The following NPAS3 variants were observed in gnomAD, a reference collection of about 807,000 sequenced individuals.
The protein encoded by NPAS3 is neuronal PAS domain protein 3, also known as neuronal PAS domain-containing protein 3.
In NPAS3, 14 loss-of-function variants were observed where a neutral mutation model predicts 73.1. That is an observed-to-expected ratio of 0.19 (90% CI 0.13 to 0.30). The LOEUF (loss-of-function observed/expected upper bound fraction) is 0.30. NPAS3 is among the 10% of genes least tolerant of loss of function. The probability of loss-of-function intolerance (pLI) is 1.00; values close to 1 mark genes in which losing one functional copy is unlikely to be tolerated. For synonymous variants in NPAS3, 620 were observed against 541.5 expected (o/e 1.14, Z -2.01); for missense variants, 1,096 against 1,250.0 (o/e 0.88, Z 1.86).
Position 33,746,680 on chromosome 14 carries a change from C to T in NPAS3, c.852+11348C>T, listed in dbSNP as rs1041012102. Among the ~76,000 whole-genome samples the T allele has an allele frequency of 1.8e-4, 27 of 151,674 alleles. 1 individual carries two copies. Among genetic ancestry groups the T allele is most frequent in the African/African-American group, 2.4e-5 (1 of 41,244 alleles). ...ACTCTCATTCTGCAAGAGAAATTAC[C>T]GAGAATTAGAAAGGTTAAGTAACTG... is the stretch of plus-strand genomic sequence containing the variant. On this transcript the variant is annotated intron_variant, in intron 7 of 11. Coordinates refer to ENST00000356141, the Ensembl canonical transcript of NPAS3.
At chr14:33,366,008 C>CA (rs1244922209) in intron 3 of NPAS3, among the ~76,000 whole-genome samples, 3 of 151,564 alleles carry the variant, frequency 2.0e-5, no homozygotes, top group Non-Finnish European at 4.4e-5. Context: ...ATAAAATTTT[C>CA]AAAAAAAGCA....
chr14:33,041,909 G>A (rs1353991920), intron 1 of NPAS3, among the ~76,000 whole-genome samples: 1 of 152,102 alleles, frequency 6.6e-6, no homozygotes, highest in African/African-American at 2.4e-5. Flanking sequence ...TCCAGATGTG[G>A]TGATCTGGTG....
At chr14:33,778,384 A>C (rs2138509197) in intron 8 of NPAS3, 82 bp from the exon 9 acceptor site, 1 of 982,940 alleles carries the variant, frequency 1.0e-6, no homozygotes, top group East Asian at 2.4e-5. Flanking sequence ...GAAATGTGTC[A>C]GTAGAACTGT....
At chr14:32,958,575 C>T (rs191946948) in intron 1 of NPAS3, among the ~76,000 whole-genome samples, 28 of 152,322 alleles carry the variant, frequency 1.8e-4, no homozygotes, top group African/African-American at 5.8e-4. Flanking sequence ...CATTCATTCT[C>T]ATGGCTTCAT....
intron 4 of NPAS3, among the ~76,000 whole-genome samples, chr14:33,558,145 CAA>C (rs1272467718): frequency 6.6e-6 from 1 of 152,028 alleles, no homozygotes; most frequent in African/African-American, 2.4e-5. Flanking sequence ...TTTAGTGGAA[CAA>C]TATAATGTGA....
At chr14:33,729,307 A>T (rs1300079689) in intron 6 of NPAS3, among the ~76,000 whole-genome samples, 1 of 152,214 alleles carries the variant, frequency 6.6e-6, no homozygotes, top group Non-Finnish European at 1.5e-5. Context: ...TTATCCATGA[A>T]CATGATCGTC....
chr14:33,168,361 G>T (rs1326814795), intron 2 of NPAS3, among the ~76,000 whole-genome samples: 1 of 152,094 alleles, frequency 6.6e-6, no homozygotes, highest in Non-Finnish European at 1.5e-5. Flanking sequence ...GAGCAGAGAA[G>T]GTCACAAGGA....
At chr14:33,306,421 G>A (rs954852043) in intron 3 of NPAS3, among the ~76,000 whole-genome samples, 1 of 152,170 alleles carries the variant, frequency 6.6e-6, no homozygotes, top group African/African-American at 2.4e-5. Flanking sequence ...TACCCTAATG[G>A]CTTGTAATTA....
At position 33,630,937 on chromosome 14, in the gene NPAS3, A is replaced by G. The variant is rs533893023; in HGVS notation, c.559-45274A>G. On this transcript the variant is annotated intron_variant, in intron 5 of 11. Coordinates refer to ENST00000356141, the Ensembl canonical transcript of NPAS3. Reference sequence around the variant, plus strand: ...AATATTTGTAGAAAGAAGATAAGCGAAGCCAGCTATTCCTGGTGGTCTGAG... The same window carrying G: ...AATATTTGTAGAAAGAAGATAAGCGGAGCCAGCTATTCCTGGTGGTCTGAG... Among the ~76,000 whole-genome samples, 68 of 152,226 alleles carry G rather than the reference A, an allele frequency of 4.5e-4. 1 individual carries two copies. The highest frequency in any genetic ancestry group is 9.2e-4 in the Admixed American group (14 of 15,280).
At chr14:33,326,153 G>A (rs8004477) in intron 3 of NPAS3, among the ~76,000 whole-genome samples, 42,838 of 151,980 alleles carry the variant, frequency 0.28, 8,177 homozygotes, top group African/African-American at 0.54. Context: ...GTATGAATGG[G>A]AAGAGAGAGT....
At chr14:33,641,225 G>A (rs1216829930) in intron 5 of NPAS3, among the ~76,000 whole-genome samples, 1 of 152,118 alleles carries the variant, frequency 6.6e-6, no homozygotes, top group Admixed American at 6.5e-5. Flanking sequence ...GAAGATTTCA[G>A]CCTTAACAGA....
intron 1 of NPAS3, among the ~76,000 whole-genome samples, chr14:32,987,277 C>CCT (rs1236359572): frequency 3.4e-5 from 5 of 146,100 alleles, no homozygotes; most frequent in Admixed American, 1.4e-4. Flanking sequence ...CCCTTCTCTC[C>CCT]CTCTCTCTCC....
chr14:33,397,325 C>A (rs1304859632), intron 4 of NPAS3, among the ~76,000 whole-genome samples: 2 of 152,122 alleles, frequency 1.3e-5, no homozygotes, highest in Admixed American at 6.6e-5. Context: ...TTGAAACAGA[C>A]ACTATCTCAT....
intron 4 of NPAS3, among the ~76,000 whole-genome samples, chr14:33,501,625 G>T (rs2052519527): frequency 6.7e-6 from 1 of 148,262 alleles, no homozygotes; most frequent in Non-Finnish European, 1.5e-5. Context: ...CTAGAATCTG[G>T]ATTTGTTTTT....
intron 2 of NPAS3, among the ~76,000 whole-genome samples, chr14:33,143,732 C>A (rs945371330): frequency 2.0e-5 from 3 of 152,096 alleles, no homozygotes; most frequent in Non-Finnish European, 4.4e-5. Flanking sequence ...ATTTCCCCTG[C>A]CCCACCCACT....
intron 4 of NPAS3, among the ~76,000 whole-genome samples, chr14:33,550,134 G>T (rs1049009400): frequency 1.3e-5 from 2 of 152,010 alleles, no homozygotes; most frequent in African/African-American, 4.8e-5. Flanking sequence ...CCACAGAGAA[G>T]CCAGGATCAA....
chr14:33,005,059 AC>A (rs2038953914), intron 1 of NPAS3, among the ~76,000 whole-genome samples: 1 of 151,634 alleles, frequency 6.6e-6, no homozygotes, highest in Admixed American at 6.6e-5. Flanking sequence ...TTTATAGTTA[AC>A]TTTTTTTTGT....
chr14:33,298,758 C>T (rs577963041), intron 3 of NPAS3, among the ~76,000 whole-genome samples: 1 of 152,202 alleles, frequency 6.6e-6, no homozygotes, highest in Admixed American at 6.5e-5. Flanking sequence ...ATTTGACATT[C>T]TTTTCCACGT....
At chr14:33,184,714 T>A (rs1028270734) in intron 2 of NPAS3, among the ~76,000 whole-genome samples, 34 of 152,224 alleles carry the variant, frequency 2.2e-4, no homozygotes, top group African/African-American at 8.2e-4. Context: ...TGTAAGTAAC[T>A]GGATATCTGA....
Sources: gnomAD v4.1 joint callset for allele counts (sites outside exome capture counted in the v4.1 genomes callset) on GRCh38, gnomAD v4.1.1 for gene constraint, MANE v1.5 for transcripts, NCBI Gene and HGNC (gene_info 2026-07-23, HGNC 2026-07-21) for gene names.